KAZN: variants seen among roughly 807,000 people sequenced by gnomAD.
KAZN encodes the protein kazrin, periplakin interacting protein.
In KAZN, 40 loss-of-function variants were observed where a neutral mutation model predicts 87.4. The ratio of observed to expected loss-of-function variants is 0.46; its 90% CI spans 0.36 to 0.60. KAZN has a LOEUF of 0.60. Ranked by LOEUF, KAZN falls within the 20% of genes least tolerant of loss-of-function variation. The pLI is 0.00. For missense variants in KAZN, 898 were observed against 1,073.9 expected, an observed-to-expected ratio of 0.84 and a Z score of 2.29; for synonymous variants, 466 against 458.3, an observed-to-expected ratio of 1.02 and a Z score of -0.22.
chr1:14,368,435 TC>T (rs35668297), intron 2 of KAZN, among the ~76,000 whole-genome samples: 1 of 152,224 alleles, frequency 6.6e-6, no homozygotes, highest in African/African-American at 2.4e-5. Context: ...CATTAGGCAC[TC>T]CCATGATGTG....
At chr1:13,897,304 ACCAGCATAGGAAG>A (rs1378892912) in intron 1 of KAZN, among the ~76,000 whole-genome samples, 9 of 152,322 alleles carry the variant, frequency 5.9e-5, no homozygotes, top group African/African-American at 1.9e-4. Context: ...CCTCCCCTAG[ACCAGCATAGGAAG>A]CACAGAATGG....
intron 1 of KAZN, among the ~76,000 whole-genome samples, chr1:13,935,252 G>GTAATATAATAATAATAA (rs1553175650): frequency 5.4e-5 from 8 of 147,072 alleles, no homozygotes; most frequent in Non-Finnish European, 1.2e-4. Context: ...AGTAGTAGTA[G>GTAATATAATAATAATAA]TAATAATAAT....
intron 2 of KAZN, among the ~76,000 whole-genome samples, chr1:14,573,474 C>A (rs948487300): frequency 6.6e-6 from 1 of 151,972 alleles, no homozygotes; most frequent in African/African-American, 2.4e-5. Flanking sequence ...GGTGAAACCC[C>A]GTCTCTACTA....
At chr1:14,413,659 C>T (rs3928343) in intron 2 of KAZN, among the ~76,000 whole-genome samples, 40,414 of 148,578 alleles carry the variant, frequency 0.27, 6,551 homozygotes, top group Non-Finnish European at 0.37. Context: ...CCTTTATGAC[C>T]TCTTGGTAGA....
intron 2 of KAZN, among the ~76,000 whole-genome samples, chr1:14,217,053 TAATA>T (rs1028249304): frequency 1.3e-5 from 2 of 152,160 alleles, no homozygotes; most frequent in African/African-American, 4.8e-5. Flanking sequence ...GTAGGACCTT[TAATA>T]AATAACTCAA....
intron 2 of KAZN, among the ~76,000 whole-genome samples, chr1:14,326,483 C>G (rs1292859115): frequency 6.6e-6 from 1 of 152,244 alleles, no homozygotes; most frequent in Non-Finnish European, 1.5e-5. Context: ...CGTTGACTCT[C>G]CATTCTAACA....
chr1:14,860,039 G>A (rs1650647389), intron 1 of KAZN, among the ~76,000 whole-genome samples: 1 of 152,098 alleles, frequency 6.6e-6, no homozygotes, highest in Non-Finnish European at 1.5e-5. Flanking sequence ...AAGGACCCCT[G>A]CTCCCCAGGC....
rs752909245 is a variant in KAZN at position 15,065,687 on chromosome 1, G to A, written c.1156G>A (p.Gly386Ser). 4 of 1,614,066 alleles carry A rather than the reference G, an allele frequency of 2.5e-6. No homozygotes were observed. The highest frequency in any genetic ancestry group is 2.7e-5 in the African/African-American group (2 of 74,946). The change falls in exon 8 of 15, where the codon GGC (glycine) becomes AGC (serine). Residue 386 changes from glycine (G) to serine (S), a missense_variant. By Grantham distance (56) the Gly-to-Ser change is moderately conservative. Transcript: ENST00000376030. ...AAAGAAGAAAGAGAAGATGGGATTC[G>A]GCTCCATCTCCCGCGTCTTCGCCAG... Reference protein sequence around the residue: ...RKKKKEKMGFGSISRVFARGK... With the variant: ...RKKKKEKMGFSSISRVFARGK...
chr1:14,408,112 C>T (rs1446245586), intron 2 of KAZN, among the ~76,000 whole-genome samples: 1 of 152,110 alleles, frequency 6.6e-6, no homozygotes, highest in Non-Finnish European at 1.5e-5. Flanking sequence ...CCAATTAGGA[C>T]CTATTAAGGT....
At chr1:14,551,122 G>T (rs976649723) in intron 2 of KAZN, among the ~76,000 whole-genome samples, 1 of 152,064 alleles carries the variant, frequency 6.6e-6, no homozygotes, top group Non-Finnish European at 1.5e-5. Flanking sequence ...CAAACGTGAG[G>T]CCCCATAGAT....
At chr1:15,046,499 T>C (rs1260424146) in intron 4 of KAZN, among the ~76,000 whole-genome samples, 1 of 152,098 alleles carries the variant, frequency 6.6e-6, no homozygotes, top group Non-Finnish European at 1.5e-5. Flanking sequence ...CACGCACCCA[T>C]GCCGTCCAAA....
intron 1 of KAZN, among the ~76,000 whole-genome samples, chr1:14,002,575 T>G (rs557912307): frequency 6.6e-6 from 1 of 152,342 alleles, no homozygotes; most frequent in South Asian, 2.1e-4. Context: ...TTCCCGGTTT[T>G]GGGTGCGTCT....
chr1:14,300,514 G>T (rs1451948103), intron 2 of KAZN, among the ~76,000 whole-genome samples: 2 of 152,174 alleles, frequency 1.3e-5, no homozygotes, highest in African/African-American at 4.8e-5. Flanking sequence ...GAGATTACAG[G>T]CATGAGCCAC....
chr1:14,057,144 T>C (rs6673908), intron 1 of KAZN, among the ~76,000 whole-genome samples: 1 of 151,764 alleles, frequency 6.6e-6, no homozygotes, highest in African/African-American at 2.4e-5. Context: ...TTGTTTGTTT[T>C]TTTTTTTTGA....
rs1220965301 is a variant in KAZN at position 14,805,020 on chromosome 1, C to A, written c.227-155664C>A. On this transcript the variant is annotated intron_variant, in intron 1 of 14. Transcript: ENST00000376030. ...ATGTGGGGCAAGCCACTTGCTCAAA[C>A]TCCCTGGACCTCAGAGTCCTCCTCT... is the stretch of plus-strand genomic sequence containing the variant. Among the ~76,000 whole-genome samples the A allele has an allele frequency of 2.0e-5, 3 of 152,230 alleles. No individual in the cohort carries two copies. The East Asian group carries it at 5.8e-4, about 29-fold the overall frequency.
intron 2 of KAZN, among the ~76,000 whole-genome samples, chr1:14,400,953 T>A (rs79411226): frequency 6.6e-6 from 1 of 152,238 alleles, no homozygotes; most frequent in Non-Finnish European, 1.5e-5. Context: ...TAGATATTCA[T>A]ATGACAAATG....
rs750822817 is a variant in KAZN, at chr1:14,684,673, C to G, written c.226+85450C>G. ...GTTTTCCTTGGCTTGTGGCCCCTTC[C>G]TATCTTCAAAGCCAACAGTGTAGCA... On this transcript the variant is annotated intron_variant, in intron 1 of 14. Transcript: ENST00000376030. Among the ~76,000 whole-genome samples, 172 of 152,164 alleles carry G rather than the reference C, an allele frequency of 1.1e-3. 1 individual carries two copies. The highest frequency in any genetic ancestry group is 1.7e-3 in the Admixed American group (26 of 15,276).
intron 2 of KAZN, among the ~76,000 whole-genome samples, chr1:14,582,146 C>G (rs915448266): frequency 6.9e-6 from 1 of 144,794 alleles, no homozygotes; most frequent in Non-Finnish European, 1.5e-5. Context: ...ATTTTACAAG[C>G]AAAAAAAACC....
At chr1:14,867,725 C>G (rs111703012) in intron 1 of KAZN, among the ~76,000 whole-genome samples, 6 of 16,232 alleles carry the variant, frequency 3.7e-4, no homozygotes, top group African/African-American at 8.3e-4. Context: ...TTTGAAGACA[C>G]CCCCCCCCCC....
Sources: gnomAD v4.1 joint callset for allele counts (sites outside exome capture counted in the v4.1 genomes callset) on GRCh38, gnomAD v4.1.1 for gene constraint, MANE v1.5 for transcripts, NCBI Gene and HGNC (gene_info 2026-07-23, HGNC 2026-07-21) for gene names.